RWDD4: variants seen among roughly 807,000 people sequenced by gnomAD.
RWDD4 encodes the protein RWD domain-containing protein 4.
RWDD4 carries 16 observed loss-of-function variants against 30.0 expected under a neutral mutation model. The ratio of observed to expected loss-of-function variants is 0.53; its 90% CI spans 0.36 to 0.81. The LOEUF is 0.81. Among genes scored for constraint, RWDD4 ranks in the 30% least tolerant of loss-of-function variants. RWDD4 has a pLI of 0.00. For synonymous variants in RWDD4, 45 were observed against 72.1 expected, an observed-to-expected ratio of 0.62 and a Z score of 1.90; for missense variants, 170 against 223.9, an observed-to-expected ratio of 0.76 and a Z score of 1.54.
At chr4:183,648,251 A>G (rs1325224154) in intron 5 of RWDD4, among the ~76,000 whole-genome samples, 4 of 98,364 alleles carry the variant, frequency 4.1e-5, no homozygotes, top group African/African-American at 1.5e-4. Flanking sequence ...GAAAAAAGAA[A>G]AAAAAAAAAA....
chr4:183,659,159 A>G lies in RWDD4; in HGVS notation c.-207T>C, dbSNP rs1734316436. On this transcript the variant is annotated 5_prime_UTR_variant, in exon 1 of 8. Coordinates refer to ENST00000326397, the MANE Select transcript of RWDD4 (RefSeq NM_152682.4). The stretch of plus-strand genomic sequence containing the variant: ...CAGTGGGCTGTGGGCTACGAGCCGG[A>G]GCCGCGGCTGGTGGGGCCTGGGAAG... 1 of 405,196 alleles carries G rather than the reference A, an allele frequency of 2.5e-6. No individual in the cohort carries two copies. The highest frequency in any genetic ancestry group is 4.3e-6 in the Non-Finnish European group (1 of 233,716). 25.1% of individuals were successfully genotyped at this position (405,196 alleles called of 1,614,324 possible).
intron 5 of RWDD4, 118 bp from the exon 6 acceptor site, chr4:183,646,655 C>A: frequency 1.2e-6 from 1 of 833,496 alleles, no homozygotes. Flanking sequence ...TGACATATTA[C>A]TAAGTTGGAA....
At chr4:183,648,308 A>G (rs926726925) in intron 5 of RWDD4, among the ~76,000 whole-genome samples, 2 of 152,148 alleles carry the variant, frequency 1.3e-5, no homozygotes, top group Non-Finnish European at 2.9e-5. Context: ...AATAAAGAGA[A>G]ACTTTTTAAC....
chr4:183,646,123 C>T (rs143575591), intron 7 of RWDD4, among the ~76,000 whole-genome samples: 105 of 152,228 alleles, frequency 6.9e-4, no homozygotes, highest in African/African-American at 2.3e-3. Context: ...AAGCTAGTCT[C>T]GAACTCCTGA....
chr4:183,648,971 C>G (rs74369519), intron 5 of RWDD4, among the ~76,000 whole-genome samples: 6,132 of 152,040 alleles, frequency 0.04, 129 homozygotes, highest in Middle Eastern at 0.051. Context: ...CTCAGCCTCT[C>G]GAAATATTTT....
In RWDD4 at chr4:183,639,873, T is replaced by C. The variant is rs1733825607; in HGVS notation, c.*1563A>G. The C allele has an allele frequency of 6.6e-6, 1 of 152,328 alleles. No individual in the cohort carries two copies. The highest frequency in any genetic ancestry group is 2.1e-4 in the South Asian group (1 of 4,812). 9.4% of individuals were successfully genotyped at this position (152,328 alleles called of 1,614,324 possible). On this transcript the variant is annotated 3_prime_UTR_variant, in exon 8 of 8. Coordinates refer to ENST00000326397, the MANE Select transcript of RWDD4 (RefSeq NM_152682.4). The stretch of plus-strand genomic sequence containing the variant: ...GTTCATTGGCATGTAACTAGCATCA[T>C]TCTCTGTAATCTATGAGCCATAATA...
At chr4:183,653,571 T>C (rs961484931) in intron 2 of RWDD4, 1 of 152,228 alleles carries the variant, frequency 6.6e-6, no homozygotes, top group Non-Finnish European at 1.5e-5. Flanking sequence ...GATCTTCTAG[T>C]AAAACGGTGG....
intron 4 of RWDD4, among the ~76,000 whole-genome samples, chr4:183,650,044 G>A (rs901660718): frequency 6.6e-6 from 1 of 152,174 alleles, no homozygotes; most frequent in African/African-American, 2.4e-5. Flanking sequence ...TGCAGTCAGG[G>A]TATATGATAG....
At chr4:183,645,375 G>A (rs1561009395) in intron 7 of RWDD4, among the ~76,000 whole-genome samples, 1 of 152,036 alleles carries the variant, frequency 6.6e-6, no homozygotes, top group Non-Finnish European at 1.5e-5. Flanking sequence ...AGACATGTAG[G>A]CAGCAAAATT....
Position 183,650,983 on chromosome 4 carries a change from C to G in RWDD4, c.363+1G>C. On this transcript the variant is annotated splice_donor_variant, in intron 4 of 7. Coordinates refer to ENST00000326397, the MANE Select transcript of RWDD4 (RefSeq NM_152682.4). LOFTEE classifies it high-confidence loss of function. ...CGGCAAAAAAATAATCACATACTCA[C>G]TGCGGAATTGATGGGATTGTGATTC... is the stretch of plus-strand genomic sequence containing the variant. 1 of 1,608,398 alleles carries G rather than the reference C, an allele frequency of 6.2e-7. No individual in the cohort carries two copies. Among genetic ancestry groups the G allele is most frequent in the Admixed American group, 1.7e-5 (1 of 59,652 alleles).
At chr4:183,656,902 T>G (rs1040408524) in intron 1 of RWDD4, among the ~76,000 whole-genome samples, 1 of 152,164 alleles carries the variant, frequency 6.6e-6, no homozygotes, top group Non-Finnish European at 1.5e-5. Flanking sequence ...GATGGGCGCC[T>G]GTAGTCCCAG....
In RWDD4 at chr4:183,651,336, A is replaced by G; in HGVS notation, c.106-9T>C. On this transcript the variant is annotated splice_polypyrimidine_tract_variant and intron_variant, in intron 2 of 7. Coordinates refer to ENST00000326397, the MANE Select transcript of RWDD4 (RefSeq NM_152682.4). ...TCACCATTTTCACCTATCTGAAGAGAAGGGGAAATCTTAGGCTTGTAAAAG... is the reference window on the plus strand; with the variant it reads ...TCACCATTTTCACCTATCTGAAGAGGAGGGGAAATCTTAGGCTTGTAAAAG... 1 of 1,592,164 alleles carries G rather than the reference A, an allele frequency of 6.3e-7. No individual in the cohort carries two copies. Among genetic ancestry groups the G allele is most frequent in the Non-Finnish European group, 8.6e-7 (1 of 1,163,534 alleles).
intron 2 of RWDD4, among the ~76,000 whole-genome samples, chr4:183,651,702 C>T (rs564148135): frequency 1.3e-4 from 20 of 152,204 alleles, no homozygotes; most frequent in South Asian, 2.1e-4. Context: ...TTCACAAACT[C>T]GACACACCTC....
intron 7 of RWDD4, among the ~76,000 whole-genome samples, chr4:183,644,949 A>T (rs76243999): frequency 6.2e-4 from 95 of 152,100 alleles, no homozygotes; most frequent in Non-Finnish European, 1.1e-3. Flanking sequence ...AAAATAAAAA[A>T]ATTAGTTGAG....
chr4:183,642,329 A>G (rs1181180936), intron 7 of RWDD4, among the ~76,000 whole-genome samples: 1 of 127,052 alleles, frequency 7.9e-6, no homozygotes, highest in South Asian at 2.5e-4. Flanking sequence ...AGCTGGGACT[A>G]CAGGCGCCCG....
intron 7 of RWDD4, among the ~76,000 whole-genome samples, chr4:183,643,859 A>C (rs553845675): frequency 8.0e-4 from 122 of 152,352 alleles, no homozygotes; most frequent in African/African-American, 2.8e-3. Flanking sequence ...TGGAGGTTGC[A>C]GTGAGCCAAG....
chr4:183,645,138 CA>C (rs1307979622), intron 7 of RWDD4, among the ~76,000 whole-genome samples: 2 of 152,046 alleles, frequency 1.3e-5, no homozygotes, highest in Non-Finnish European at 2.9e-5. Flanking sequence ...AAACAACAAC[CA>C]AAAAGGTTTA....
chr4:183,650,891 G>A (rs962627655), intron 4 of RWDD4, 93 bp downstream of exon 4: 7 of 1,282,758 alleles, frequency 5.5e-6, no homozygotes, highest in African/African-American at 3.0e-5. Context: ...GTCTTCTTCC[G>A]ATTTTGAATA....
Position 183,651,342 on chromosome 4 carries a change from A to G in RWDD4, c.106-15T>C, listed in dbSNP as rs200854502. 1 of 1,578,858 alleles carries G rather than the reference A, an allele frequency of 6.3e-7. No individual in the cohort carries two copies. Among genetic ancestry groups the G allele is most frequent in the East Asian group, 2.2e-5 (1 of 44,708 alleles). On this transcript the variant is annotated splice_polypyrimidine_tract_variant and intron_variant, in intron 2 of 7. Transcript: ENST00000326397. ...TTTTCACCTATCTGAAGAGAAGGGG[A>G]AATCTTAGGCTTGTAAAAGGTGATA... is the stretch of plus-strand genomic sequence containing the variant.
Sources: gnomAD v4.1 joint callset for allele counts (sites outside exome capture counted in the v4.1 genomes callset) on GRCh38, gnomAD v4.1.1 for gene constraint, MANE v1.5 for transcripts, NCBI Gene and HGNC (gene_info 2026-07-23, HGNC 2026-07-21) for gene names.